The following ZMYM2 variants were observed in gnomAD, a reference collection of about 807,000 sequenced individuals.
ZMYM2 encodes zinc finger MYM-type protein 2.
Under a neutral mutation model 162.8 loss-of-function variants are expected in ZMYM2, and 56 were observed. That is an observed-to-expected ratio of 0.34 (90% CI 0.28 to 0.43). ZMYM2 has a LOEUF of 0.43. ZMYM2 is among the 20% of genes least tolerant of loss of function. ZMYM2 has a pLI of 1.00. For synonymous variants in ZMYM2, 510 were observed against 541.6 expected (o/e 0.94, Z 0.81); for missense variants, 1,275 against 1,621.8 (o/e 0.79, Z 3.67).
the ZMYM2 span, among the ~76,000 whole-genome samples, chr13:19,908,979 AG>A: frequency 2.0e-5 from 3 of 152,232 alleles, no homozygotes; most frequent in African/African-American, 4.8e-5. Context: ...ATAAAGGCAC[AG>A]GGTCTCAATT....
chr13:19,895,534 T>C, the ZMYM2 span, among the ~76,000 whole-genome samples: 1 of 151,912 alleles, frequency 6.6e-6, no homozygotes. Context: ...GGGCATCACA[T>C]GGTGAGGGAG....
chr13:19,868,172 C>T, the ZMYM2 span, among the ~76,000 whole-genome samples: 1 of 152,190 alleles, frequency 6.6e-6, no homozygotes, highest in African/African-American at 2.4e-5. Context: ...AATTCTTTCT[C>T]TCCAAATAAA....
At chr13:19,922,514 T>A in the ZMYM2 span, among the ~76,000 whole-genome samples, 1 of 152,168 alleles carries the variant, frequency 6.6e-6, no homozygotes, top group South Asian at 2.1e-4. Flanking sequence ...AAGAGCTCTT[T>A]TCTCAATCAC....
At chr13:20,018,494 C>T (rs1046156167) in intron 6 of ZMYM2, among the ~76,000 whole-genome samples, 2 of 152,092 alleles carry the variant, frequency 1.3e-5, no homozygotes, top group Admixed American at 6.5e-5. Context: ...TTCCTCTCAC[C>T]CCCTTTGTCC....
At chr13:19,929,894 T>C in the ZMYM2 span, among the ~76,000 whole-genome samples, 2 of 152,210 alleles carry the variant, frequency 1.3e-5, no homozygotes, top group Admixed American at 6.6e-5. Flanking sequence ...TGAATAGTTA[T>C]AGATCTACTC....
chr13:19,974,309 A>G (rs1051652650), intron 2 of ZMYM2, among the ~76,000 whole-genome samples: 4 of 152,042 alleles, frequency 2.6e-5, no homozygotes, highest in Non-Finnish European at 5.9e-5. Flanking sequence ...CTTAATTTAT[A>G]TTTGTGGTTG....
At chr13:19,907,045 C>T in the ZMYM2 span, among the ~76,000 whole-genome samples, 2 of 152,012 alleles carry the variant, frequency 1.3e-5, no homozygotes, top group Admixed American at 1.3e-4. Context: ...GTTTCTTTTA[C>T]CTCTTGTTCA....
the ZMYM2 span, among the ~76,000 whole-genome samples, chr13:19,915,415 T>TTTTCTTTCTTTCTTTC: frequency 6.4e-4 from 95 of 148,388 alleles, no homozygotes; most frequent in African/African-American, 2.1e-3. Context: ...CTTGCTTGCT[T>TTTTCTTTCTTTCTTTC]TTTCTTTCTT....
At chr13:19,886,928 A>T in the ZMYM2 span, among the ~76,000 whole-genome samples, 1 of 150,924 alleles carries the variant, frequency 6.6e-6, no homozygotes, top group Non-Finnish European at 1.5e-5. Context: ...TCCCAAAGTG[A>T]TGGGATTACA....
the ZMYM2 span, among the ~76,000 whole-genome samples, chr13:19,880,175 GC>G: frequency 8.5e-5 from 13 of 152,078 alleles, no homozygotes; most frequent in African/African-American, 2.7e-4. Flanking sequence ...GGACTTCTTG[GC>G]CCCCATAAGC....
rs950005204 is a variant in ZMYM2, at chr13:20,034,291, A to G, written c.2006A>G (p.Asp669Gly). The change falls in exon 11 of 25, where the codon GAT becomes GGT. Residue 669 changes from aspartate to glycine, a missense_variant. By Grantham distance (94) the Asp-to-Gly change is moderately conservative. Transcript: ENST00000610343. ...VHQFCSKTCS[D>G]DYKKLHCIVT... ...CAGTTCTGCAGCAAAACTTGTTCAG[A>G]TGACTATAAGAAGTTGCATTGCATA... 3 of 1,609,492 alleles carry G rather than the reference A, an allele frequency of 1.9e-6. No individual in the cohort carries two copies. The highest frequency in any genetic ancestry group is 2.5e-6 in the Non-Finnish European group (3 of 1,178,384).
intron 21 of ZMYM2, among the ~76,000 whole-genome samples, chr13:20,073,169 A>G (rs1232887700): frequency 6.6e-6 from 1 of 152,248 alleles, no homozygotes. Context: ...CAGTTTTCCA[A>G]AGTGCTGGGA....
chr13:19,885,827 A>T, the ZMYM2 span, among the ~76,000 whole-genome samples: 2 of 134,842 alleles, frequency 1.5e-5, no homozygotes, highest in Non-Finnish European at 3.2e-5. Context: ...AGCCTGGGCA[A>T]CAAGAGTGAA....
chr13:20,067,616 T>G (rs2140891622), intron 21 of ZMYM2, among the ~76,000 whole-genome samples: 1 of 152,344 alleles, frequency 6.6e-6, no homozygotes. Context: ...TAGCCACATC[T>G]GGCTATAGAT....
At chr13:19,891,878 A>C in the ZMYM2 span, among the ~76,000 whole-genome samples, 2 of 151,948 alleles carry the variant, frequency 1.3e-5, no homozygotes, top group Non-Finnish European at 2.9e-5. Context: ...GCTTATTACC[A>C]TATTTATTTT....
At chr13:19,878,516 CCT>C in the ZMYM2 span, among the ~76,000 whole-genome samples, 1 of 116,930 alleles carries the variant, frequency 8.6e-6, no homozygotes, top group African/African-American at 3.0e-5. Context: ...ATTCCTTTGC[CCT>C]TTTTTTTTTT....
intron 21 of ZMYM2, among the ~76,000 whole-genome samples, chr13:20,080,030 G>A (rs368271043): frequency 5.9e-5 from 9 of 152,168 alleles, no homozygotes; most frequent in African/African-American, 1.9e-4. Flanking sequence ...CAATGCAAAA[G>A]TTTATAGTCC....
chr13:20,042,926 G>A (rs1954405313), intron 12 of ZMYM2, among the ~76,000 whole-genome samples: 1 of 152,062 alleles, frequency 6.6e-6, no homozygotes, highest in South Asian at 2.1e-4. Flanking sequence ...GTTTCACCAT[G>A]TTGGCCAAAC....
chr13:20,020,234 C>CTTTTTTTTTTTTTTTTTTTTTTTTTTTT (rs71198951), intron 7 of ZMYM2, among the ~76,000 whole-genome samples: 1 of 137,222 alleles, frequency 7.3e-6, no homozygotes. Context: ...TATTCCTCTT[C>CTTTTTTTTTTTTTTTTTTTTTTTTTTTT]TTTTTTTTTT....
Sources: gnomAD v4.1 joint callset for allele counts (sites outside exome capture counted in the v4.1 genomes callset) on GRCh38, gnomAD v4.1.1 for gene constraint, MANE v1.5 for transcripts, NCBI Gene and HGNC (gene_info 2026-07-23, HGNC 2026-07-21) for gene names.